ZNF362: variants seen among roughly 807,000 people sequenced by gnomAD.
ZNF362 encodes the protein rotund homolog.
In ZNF362, 11 loss-of-function variants were observed where a neutral mutation model predicts 42.9. That is an observed-to-expected ratio of 0.26 (90% confidence interval 0.16 to 0.42). The LOEUF (loss-of-function observed/expected upper bound fraction) is 0.42, where lower values mean the gene tolerates loss of function less well. Among genes scored for constraint, ZNF362 ranks in the 20% least tolerant of loss-of-function variants. The pLI, the probability that ZNF362 is intolerant of heterozygous loss-of-function variation, is 1.00. For missense variants in ZNF362, 362 were observed against 576.2 expected (o/e 0.63, Z 3.81); for synonymous variants, 255 against 257.3 (o/e 0.99, Z 0.09).
the ZNF362 span, among the ~76,000 whole-genome samples, chr1:33,239,327 C>A: frequency 6.6e-6 from 1 of 152,062 alleles, no homozygotes; most frequent in Non-Finnish European, 1.5e-5. Context: ...CCTCTGGGGT[C>A]CCCTAGATCA....
chr1:33,145,162 C>T, the ZNF362 span, among the ~76,000 whole-genome samples: 3 of 152,070 alleles, frequency 2.0e-5, no homozygotes, highest in Admixed American at 2.0e-4. Flanking sequence ...GACTGACAGC[C>T]TTCCCTGGCT....
At chr1:33,185,127 A>G in the ZNF362 span, among the ~76,000 whole-genome samples, 2 of 152,110 alleles carry the variant, frequency 1.3e-5, no homozygotes, top group South Asian at 2.1e-4. Context: ...ATTTTACTCT[A>G]TTGTCTAAAT....
chr1:33,169,328 C>T, the ZNF362 span, among the ~76,000 whole-genome samples: 2 of 152,198 alleles, frequency 1.3e-5, no homozygotes, highest in Non-Finnish European at 2.9e-5. Context: ...TTCCTACCGC[C>T]TCCAAACCAA....
chr1:33,251,820 C>T (rs72888077), upstream of ZNF362, among the ~76,000 whole-genome samples: 6,684 of 152,334 alleles, frequency 0.044, 416 homozygotes, highest in African/African-American at 0.14. Flanking sequence ...CTTCCAGCCT[C>T]GTATGAGACC....
At chr1:33,250,862 G>GAAGAAGAAGAAGAA in the ZNF362 span, among the ~76,000 whole-genome samples, 3 of 145,770 alleles carry the variant, frequency 2.1e-5, no homozygotes, top group Non-Finnish European at 4.5e-5. Flanking sequence ...GGAAGAAGAA[G>GAAGAAGAAGAAGAA]AAGAAGAAGA....
At chr1:33,272,364 G>A (rs942899712) in intron 2 of ZNF362, among the ~76,000 whole-genome samples, 7 of 152,134 alleles carry the variant, frequency 4.6e-5, no homozygotes, top group Admixed American at 6.5e-5. Flanking sequence ...GTTCCCCAGC[G>A]CTGGTCCCAG....
the ZNF362 span, among the ~76,000 whole-genome samples, chr1:33,235,360 G>A: frequency 2.6e-5 from 4 of 151,940 alleles, no homozygotes; most frequent in South Asian, 6.2e-4. Context: ...TCTTCCTCAC[G>A]ATGCCTGTAA....
At chr1:33,216,615 A>G in the ZNF362 span, among the ~76,000 whole-genome samples, 1 of 150,880 alleles carries the variant, frequency 6.6e-6, no homozygotes, top group African/African-American at 2.5e-5. Flanking sequence ...AAAAAAAAAA[A>G]AAAAGAAACA....
the ZNF362 span, among the ~76,000 whole-genome samples, chr1:33,159,099 C>T: frequency 0.19 from 28,294 of 151,900 alleles, 3,119 homozygotes; most frequent in South Asian, 0.3. This position sits in a 1 kb window ranked among gnomAD's most constrained non-coding sequence, Gnocchi z 4.2. Flanking sequence ...CCTGCCTCGG[C>T]CTCCCAAAGT....
chr1:33,175,798 C>T, the ZNF362 span, among the ~76,000 whole-genome samples: 1 of 152,182 alleles, frequency 6.6e-6, no homozygotes, highest in Non-Finnish European at 1.5e-5. Flanking sequence ...TATAACACAG[C>T]ACCTGGCACA....
the ZNF362 span, among the ~76,000 whole-genome samples, chr1:33,169,205 C>T: frequency 1.4e-3 from 215 of 152,200 alleles, 2 homozygotes; most frequent in African/African-American, 4.6e-3. Flanking sequence ...ATGCTGCGAT[C>T]GTGTTAGGAG....
At chr1:33,297,157 G>C (rs889160187) in intron 8 of ZNF362, among the ~76,000 whole-genome samples, 5 of 152,108 alleles carry the variant, frequency 3.3e-5, no homozygotes, top group Non-Finnish European at 7.3e-5. Context: ...AGAATCTGCA[G>C]GGAAAAGGGC....
chr1:33,235,538 C>T, the ZNF362 span, among the ~76,000 whole-genome samples: 1 of 152,212 alleles, frequency 6.6e-6, no homozygotes, highest in African/African-American at 2.4e-5. Context: ...TTCAGGGATA[C>T]TTGCTAAAGC....
chr1:33,232,507 T>C, the ZNF362 span, among the ~76,000 whole-genome samples: 1 of 152,184 alleles, frequency 6.6e-6, no homozygotes, highest in African/African-American at 2.4e-5. Context: ...GTAATCTGCC[T>C]GCCTCAGCCT....
chr1:33,134,133 T>TA, the ZNF362 span, among the ~76,000 whole-genome samples: 1 of 152,222 alleles, frequency 6.6e-6, no homozygotes, highest in South Asian at 2.1e-4. Context: ...TCTGAACACT[T>TA]ACCGTGGGCC....
chr1:33,136,233 CTT>C, the ZNF362 span, among the ~76,000 whole-genome samples: 1 of 149,624 alleles, frequency 6.7e-6, no homozygotes, highest in Non-Finnish European at 1.5e-5. Flanking sequence ...CTTTCTTTCT[CTT>C]TCTTTTCCTT....
At chr1:33,232,360 G>GATCAAGCGA in the ZNF362 span, among the ~76,000 whole-genome samples, 1 of 152,126 alleles carries the variant, frequency 6.6e-6, no homozygotes, top group South Asian at 2.1e-4. Flanking sequence ...CACCTCCTGG[G>GATCAAGCGA]TTCAAGCGAT....
At chr1:33,256,913 C>CGTGT (rs140287361) in intron 1 of ZNF362, among the ~76,000 whole-genome samples, 56 of 149,636 alleles carry the variant, frequency 3.7e-4, no homozygotes, top group Admixed American at 3.4e-3. Flanking sequence ...AGTGTGTGTG[C>CGTGT]GTGTGTGTGT....
the ZNF362 span, among the ~76,000 whole-genome samples, chr1:33,170,188 G>A: frequency 6.6e-6 from 1 of 151,926 alleles, no homozygotes; most frequent in African/African-American, 2.4e-5. Context: ...AAATTAGCCA[G>A]GCATGGTGGT....
Sources: gnomAD v4.1 joint callset for allele counts (sites outside exome capture counted in the v4.1 genomes callset) on GRCh38, gnomAD v4.1.1 for gene constraint, Gnocchi (gnomAD v3.1) non-coding constraint, MANE v1.5 for transcripts, NCBI Gene and HGNC (gene_info 2026-07-23, HGNC 2026-07-21) for gene names.